Variants in NFXL1 observed in about 807,000 individuals in gnomAD.
The protein encoded by NFXL1 is nuclear transcription factor, X-box binding like 1, also known as NF-X1-type zinc finger protein NFXL1.
NFXL1 carries 66 observed loss-of-function variants against 123.3 expected under a neutral mutation model. The observed-to-expected ratio is 0.54, with a 90% CI of 0.44 to 0.66. NFXL1 has a LOEUF of 0.66. Ranked by LOEUF, NFXL1 falls within the 30% of genes least tolerant of loss-of-function variation. The pLI is 0.00. For missense variants in NFXL1, 944 were observed against 1,125.6 expected (o/e 0.84, Z 2.31); for synonymous variants, 346 against 360.8 (o/e 0.96, Z 0.46).
chr4:47,852,942 C>T (rs902720574), intron 20 of NFXL1, among the ~76,000 whole-genome samples: 1 of 150,760 alleles, frequency 6.6e-6, no homozygotes, highest in Non-Finnish European at 1.5e-5. Context: ...CATTTTATGG[C>T]ATGGAATTTT....
chr4:47,878,816 A>G (rs1301958211), intron 16 of NFXL1, 151 bp from the exon 17 acceptor site: 10 of 558,194 alleles, frequency 1.8e-5, no homozygotes, highest in Non-Finnish European at 2.6e-5. Context: ...AATCAAAGTA[A>G]CCTGTCAAAA....
At position 47,896,643 on chromosome 4, in the gene NFXL1, A is replaced by G; in HGVS notation, c.1209T>C (p.Phe403=). Residue 403 remains phenylalanine (F), a synonymous_variant, in exon 10 of 23, where the codon TTT becomes TTC. Coordinates refer to ENST00000507489, the MANE Select transcript of NFXL1 (RefSeq NM_001278624.2). ...KRFCPCQKSK[F]SLPCTEDVPT... is the part of the protein sequence containing the mutation. ...GTACATCTTCTGTACAAGGCAAAGA[A>G]AACTCTAAAAACATACAAAAAGTCA... 6.2e-7 allele frequency: 1 copy of G among 1,603,378 alleles called. No homozygotes were observed. Among genetic ancestry groups the G allele is most frequent in the Non-Finnish European group, 8.5e-7 (1 of 1,171,232 alleles).
intron 19 of NFXL1, among the ~76,000 whole-genome samples, chr4:47,858,348 A>C (rs1386573103): frequency 6.6e-6 from 1 of 152,242 alleles, no homozygotes; most frequent in Non-Finnish European, 1.5e-5. Flanking sequence ...AATCAATTTG[A>C]TATTATTAAA....
chr4:47,909,691 C>CTCTG (rs1259299458), intron 3 of NFXL1, among the ~76,000 whole-genome samples: 18 of 149,874 alleles, frequency 1.2e-4, no homozygotes, highest in Non-Finnish European at 2.4e-4. Flanking sequence ...CGGAGTCTTG[C>CTCTG]TCTGTCTCCC....
chr4:47,880,318 G>A (rs769177257), intron 15 of NFXL1, among the ~76,000 whole-genome samples: 28 of 150,946 alleles, frequency 1.9e-4, no homozygotes, highest in Non-Finnish European at 3.5e-4. Flanking sequence ...TAGAGCTGAG[G>A]TTGAAGGATC....
intron 2 of NFXL1, among the ~76,000 whole-genome samples, chr4:47,911,834 A>C (rs1238408902): frequency 1.3e-5 from 2 of 152,346 alleles, no homozygotes; most frequent in East Asian, 3.9e-4. Context: ...ATTTTCTTCA[A>C]GCACTAAGTG....
chr4:47,848,359 T>C, intron 22 of NFXL1, 23 bp from the exon 23 acceptor site: 1 of 1,561,564 alleles, frequency 6.4e-7, no homozygotes. Context: ...AGCATCATTT[T>C]AATTAAATTC....
intron 18 of NFXL1, among the ~76,000 whole-genome samples, chr4:47,871,504 G>C (rs1318227833): frequency 6.6e-6 from 1 of 152,172 alleles, no homozygotes; most frequent in African/African-American, 2.4e-5. Context: ...TGTTGTTCTT[G>C]AGAGCTTTTT....
intron 19 of NFXL1, among the ~76,000 whole-genome samples, chr4:47,857,787 C>G (rs772340748): frequency 1.3e-5 from 2 of 152,094 alleles, no homozygotes; most frequent in Non-Finnish European, 2.9e-5. Context: ...CCCTTGGATC[C>G]ATGGTGAGTC....
chr4:47,866,464 A>G (rs529112299), intron 18 of NFXL1, among the ~76,000 whole-genome samples: 2 of 152,352 alleles, frequency 1.3e-5, no homozygotes, highest in South Asian at 4.1e-4. Flanking sequence ...ATTTACAACT[A>G]TAAAAAACTA....
At chr4:47,869,493 G>C (rs1735301877) in intron 18 of NFXL1, among the ~76,000 whole-genome samples, 1 of 151,952 alleles carries the variant, frequency 6.6e-6, no homozygotes, top group Non-Finnish European at 1.5e-5. Flanking sequence ...AATAAAACTA[G>C]ATCTTCTATT....
intron 18 of NFXL1, among the ~76,000 whole-genome samples, chr4:47,874,639 T>C (rs990063526): frequency 2.0e-5 from 3 of 152,276 alleles, no homozygotes; most frequent in Admixed American, 2.0e-4. Flanking sequence ...TATCGAAATG[T>C]GACAGAGACA....
chr4:47,902,814 C>T (rs568506495), intron 5 of NFXL1, among the ~76,000 whole-genome samples: 2 of 152,156 alleles, frequency 1.3e-5, no homozygotes, highest in East Asian at 3.9e-4. Flanking sequence ...ATATTGAAAC[C>T]ACCAATAAAG....
chr4:47,896,769 C>T, intron 9 of NFXL1, 122 bp from the exon 10 acceptor site: 1 of 582,526 alleles, frequency 1.7e-6, no homozygotes, highest in East Asian at 2.9e-5. Flanking sequence ...TTTTTGTATC[C>T]ACATAATCAT....
intron 10 of NFXL1, among the ~76,000 whole-genome samples, chr4:47,896,319 C>T (rs115816226): frequency 6.6e-6 from 1 of 152,128 alleles, no homozygotes; most frequent in Non-Finnish European, 1.5e-5. Flanking sequence ...GCAGTATTGG[C>T]AAAGCACAAT....
At chr4:47,907,575 C>T (rs762630361) in intron 3 of NFXL1, among the ~76,000 whole-genome samples, 7 of 152,130 alleles carry the variant, frequency 4.6e-5, no homozygotes, top group Middle Eastern at 3.2e-3. Context: ...TGGGAACCAT[C>T]CCATTACTCT....
At chr4:47,852,729 A>G (rs1734193906) in intron 20 of NFXL1, among the ~76,000 whole-genome samples, 3 of 152,054 alleles carry the variant, frequency 2.0e-5, no homozygotes, top group African/African-American at 7.2e-5. Context: ...TGGTCTTTAT[A>G]TTAGTTTTAG....
At chr4:47,901,674 T>C (rs752422261) in intron 5 of NFXL1, among the ~76,000 whole-genome samples, 1 of 152,046 alleles carries the variant, frequency 6.6e-6, no homozygotes, top group Non-Finnish European at 1.5e-5. Flanking sequence ...ATAACTCAGG[T>C]GGAAGAATAG....
intron 10 of NFXL1, among the ~76,000 whole-genome samples, chr4:47,895,895 A>G (rs1737056369): frequency 6.6e-6 from 1 of 152,234 alleles, no homozygotes; most frequent in Non-Finnish European, 1.5e-5. Flanking sequence ...TTTGATTTAA[A>G]TGAGAAATGT....
Sources: allele counts gnomAD v4.1 joint callset (sites outside exome capture counted in the v4.1 genomes callset), GRCh38; gene constraint gnomAD v4.1.1; transcripts MANE v1.5; gene names NCBI Gene and HGNC (gene_info 2026-07-23, HGNC 2026-07-21).